Variants in CNTNAP4 observed in about 807,000 individuals in gnomAD.
CNTNAP4 encodes contactin-associated protein-like 4.
A neutral mutation model predicts 148.4 loss-of-function variants in CNTNAP4; 98 were observed. The ratio of observed to expected loss-of-function variants is 0.66; its 90% confidence interval spans 0.56 to 0.78. The LOEUF (loss-of-function observed/expected upper bound fraction) is 0.78. Ranked by LOEUF, CNTNAP4 falls within the 30% of genes least tolerant of loss-of-function variation. CNTNAP4 has a pLI of 0.00. For missense variants in CNTNAP4, 1,935 were observed against 1,565.6 expected (o/e 1.24, Z -3.98); for synonymous variants, 730 against 565.1 (o/e 1.29, Z -4.14).
At chr16:76,363,441 C>A (rs1438884054) in intron 3 of CNTNAP4, among the ~76,000 whole-genome samples, 1 of 151,880 alleles carries the variant, frequency 6.6e-6, no homozygotes, top group African/African-American at 2.4e-5. Context: ...AGATTACAGG[C>A]GTGAGATACT....
chr16:76,356,072 A>G (rs2012593381), intron 3 of CNTNAP4, among the ~76,000 whole-genome samples: 1 of 151,224 alleles, frequency 6.6e-6, no homozygotes, highest in Non-Finnish European at 1.5e-5. Flanking sequence ...ACGGGCTTTC[A>G]CCATGTTGGC....
At chr16:76,533,012 G>C (rs2084051578) in intron 17 of CNTNAP4, among the ~76,000 whole-genome samples, 1 of 152,096 alleles carries the variant, frequency 6.6e-6, no homozygotes, top group Admixed American at 6.5e-5. Flanking sequence ...AAGAAAATCA[G>C]TGTATTGAAA....
chr16:76,330,900 T>G (rs1373138894), intron 2 of CNTNAP4, among the ~76,000 whole-genome samples: 1 of 152,234 alleles, frequency 6.6e-6, no homozygotes, highest in African/African-American at 2.4e-5. Flanking sequence ...TTTGAATATT[T>G]GAATGTGGCA....
At position 76,535,764 on chromosome 16, in the gene CNTNAP4, C is replaced by T; in HGVS notation, c.2975C>T (p.Thr992Ile). 1 of 1,613,768 alleles carries T rather than the reference C, an allele frequency of 6.2e-7. No individual in the cohort carries two copies. The highest frequency in any genetic ancestry group is 8.5e-7 in the Non-Finnish European group (1 of 1,179,780). Reference protein sequence around the residue: ...FFCDCTFSAYTGPFCSNEISA... With the variant: ...FFCDCTFSAYIGPFCSNEISA... ...TGTGACTGCACTTTCTCTGCATACA[C>T]AGGGCCATTCTGCTCAAATGGTAAG... The change falls in exon 18 of 24, where the codon ACA becomes ATA. Residue 992 changes from threonine (T) to isoleucine (I), a missense_variant. Thr to Ile is a moderately conservative substitution (Grantham distance 89, BLOSUM62 -1). Transcript: ENST00000611870.
Position 76,559,436 on chromosome 16 carries a change from A to C in CNTNAP4, c.*753A>C, listed in dbSNP as rs2144467859. Among the ~76,000 whole-genome samples the C allele has an allele frequency of 6.6e-6, 1 of 152,242 alleles. No individual in the cohort carries two copies. The highest frequency in any genetic ancestry group is 2.1e-4 in the South Asian group (1 of 4,810). On this transcript the variant is annotated 3_prime_UTR_variant, in exon 24 of 24. Transcript: ENST00000611870. Reference sequence around the variant, plus strand: ...AAAGTTTTCCAATTAATTTGCTACCATTGTTTGATGGTGACAGTACTTAAG... The same window carrying C: ...AAAGTTTTCCAATTAATTTGCTACCCTTGTTTGATGGTGACAGTACTTAAG...
intron 3 of CNTNAP4, among the ~76,000 whole-genome samples, chr16:76,389,390 C>T (rs912186377): frequency 6.6e-5 from 10 of 152,314 alleles, no homozygotes; most frequent in African/African-American, 2.4e-4. Context: ...GGCAACGTTG[C>T]TTGTGGCTCT....
chr16:76,335,961 C>T (rs921970901), intron 2 of CNTNAP4, among the ~76,000 whole-genome samples: 3 of 152,042 alleles, frequency 2.0e-5, no homozygotes, highest in Non-Finnish European at 2.9e-5. Flanking sequence ...GTTCACTGTC[C>T]AGGCAGAAGA....
At chr16:76,425,297 G>A (rs1349374432) in intron 3 of CNTNAP4, among the ~76,000 whole-genome samples, 1 of 152,110 alleles carries the variant, frequency 6.6e-6, no homozygotes, top group Non-Finnish European at 1.5e-5. Flanking sequence ...ATTGCAATTT[G>A]CACATTAGCA....
chr16:76,460,773 A>ATATATATATATATATATATATAT (rs1555564517), intron 8 of CNTNAP4, among the ~76,000 whole-genome samples: 28 of 57,328 alleles, frequency 4.9e-4, no homozygotes, highest in African/African-American at 1.7e-3. Context: ...AAAAAAAAAA[A>ATATATATATATATATATATATAT]ATATATATAT....
intron 15 of CNTNAP4, among the ~76,000 whole-genome samples, chr16:76,519,382 C>T (rs1401800076): frequency 6.6e-6 from 1 of 151,896 alleles, no homozygotes. Flanking sequence ...CTATATGATG[C>T]TTTATTGAGT....
chr16:76,481,403 G>A (rs2081821628), intron 12 of CNTNAP4, among the ~76,000 whole-genome samples: 1 of 152,096 alleles, frequency 6.6e-6, no homozygotes, highest in Admixed American at 6.6e-5. Context: ...ATAACAGCCG[G>A]GTGCAGTGGC....
chr16:76,433,629 G>A (rs967138169), intron 4 of CNTNAP4, among the ~76,000 whole-genome samples: 3 of 152,118 alleles, frequency 2.0e-5, no homozygotes, highest in Admixed American at 2.0e-4. Flanking sequence ...TTGAAAGACA[G>A]CTAGATAATA....
chr16:76,305,247 TG>T (rs1336136512), intron 1 of CNTNAP4, among the ~76,000 whole-genome samples: 5 of 152,188 alleles, frequency 3.3e-5, no homozygotes, highest in African/African-American at 1.2e-4. Context: ...GACAATTTCC[TG>T]GTTTAATTCT....
At chr16:76,518,796 T>G (rs1250895870) in intron 15 of CNTNAP4, among the ~76,000 whole-genome samples, 1 of 152,166 alleles carries the variant, frequency 6.6e-6, no homozygotes, top group South Asian at 2.1e-4. Flanking sequence ...AGCTTATTCC[T>G]TCTATCTAAC....
chr16:76,394,863 T>G (rs8063578), intron 3 of CNTNAP4, among the ~76,000 whole-genome samples: 103 of 152,274 alleles, frequency 6.8e-4, no homozygotes, highest in African/African-American at 2.4e-3. Flanking sequence ...GTTGAAATCA[T>G]CCTTTTATGT....
intron 2 of CNTNAP4, among the ~76,000 whole-genome samples, chr16:76,341,356 A>T (rs1449063607): frequency 1.3e-5 from 2 of 152,170 alleles, no homozygotes; most frequent in Non-Finnish European, 2.9e-5. Flanking sequence ...CCCAGTGACA[A>T]GCTGATAAAC....
intron 23 of CNTNAP4, among the ~76,000 whole-genome samples, chr16:76,555,462 A>G (rs1243435275): frequency 6.6e-6 from 1 of 152,230 alleles, no homozygotes; most frequent in Non-Finnish European, 1.5e-5. Flanking sequence ...TAGTATTTAC[A>G]ATGTGTCCAA....
Position 76,319,596 on chromosome 16 carries a change from A to G in CNTNAP4, c.196+3073A>G, listed in dbSNP as rs573661336. On this transcript the variant is annotated intron_variant, in intron 2 of 23. Coordinates refer to ENST00000611870, the MANE Select transcript of CNTNAP4 (RefSeq NM_033401.5). The stretch of plus-strand genomic sequence containing the variant: ...GATATCATCAAGTTAAGATGAGGCC[A>G]TACTGGATTAAGGGGTGGGGGGCTA... Among the ~76,000 whole-genome samples the G allele has an allele frequency of 3.9e-5, 6 of 152,272 alleles. No homozygotes were observed. The South Asian group carries it at 1.2e-3, about 32-fold the overall frequency.
At chr16:76,483,871 G>C (rs957856929) in intron 12 of CNTNAP4, among the ~76,000 whole-genome samples, 1 of 152,054 alleles carries the variant, frequency 6.6e-6, no homozygotes, top group African/African-American at 2.4e-5. Context: ...TAGCAAGTAG[G>C]CAAATTCACA....
Sources: gnomAD v4.1 joint callset for allele counts (sites outside exome capture counted in the v4.1 genomes callset) on GRCh38, gnomAD v4.1.1 for gene constraint, MANE v1.5 for transcripts, NCBI Gene and HGNC (gene_info 2026-07-23, HGNC 2026-07-21) for gene names.